The following ZSCAN20 variants were observed in gnomAD, a reference collection of about 807,000 sequenced individuals.
ZSCAN20 encodes zinc finger and SCAN domain-containing protein 20.
A neutral mutation model predicts 97.1 loss-of-function variants in ZSCAN20; 39 were observed. The ratio of observed to expected loss-of-function variants is 0.40; its 90% CI spans 0.31 to 0.52. ZSCAN20 has a LOEUF of 0.52. ZSCAN20 is among the 20% of genes least tolerant of loss of function. The probability of loss-of-function intolerance (pLI) is 0.49; values close to 1 mark genes in which losing one functional copy is unlikely to be tolerated. For missense variants in ZSCAN20, 1,115 were observed against 1,290.4 expected (o/e 0.86, Z 2.08); for synonymous variants, 456 against 467.3 (o/e 0.98, Z 0.31).
chr1:33,480,209 A>G (rs994046646), intron 2 of ZSCAN20, among the ~76,000 whole-genome samples: 2 of 152,246 alleles, frequency 1.3e-5, no homozygotes, highest in Non-Finnish European at 1.5e-5. Context: ...TATAGATTAA[A>G]CTAAGAGCCA....
Position 33,495,505 on chromosome 1 carries a change from A to G in ZSCAN20, c.*29A>G. ...ACAGTTTCCTCAACAACAAAGGAGG[A>G]CTCAATGTATATATCTTATATCATA... On this transcript the variant is annotated 3_prime_UTR_variant, in exon 8 of 8. Coordinates refer to ENST00000684572, the MANE Select transcript of ZSCAN20 (RefSeq NM_001377376.1). 4.0e-6 allele frequency: 6 copies of G among 1,492,108 alleles called. No homozygotes were observed. The highest frequency in any genetic ancestry group is 5.4e-6 in the Non-Finnish European group (6 of 1,119,364). 92.4% of individuals were successfully genotyped at this position (1,492,108 alleles called of 1,614,324 possible).
At chr1:33,477,707 C>G (rs1469514441) in intron 1 of ZSCAN20, among the ~76,000 whole-genome samples, 2 of 149,344 alleles carry the variant, frequency 1.3e-5, no homozygotes, top group Non-Finnish European at 3.0e-5. Context: ...TAATGACACA[C>G]CATCATCATT....
chr1:33,489,229 G>A, intron 4 of ZSCAN20, 38 bp downstream of exon 4: 1 of 1,590,232 alleles, frequency 6.3e-7, no homozygotes, highest in Non-Finnish European at 8.6e-7. Context: ...TGTCATTGCT[G>A]CTCCTGTGCT....
chr1:33,490,387 G>A (rs1207934225), intron 5 of ZSCAN20, among the ~76,000 whole-genome samples: 1 of 152,132 alleles, frequency 6.6e-6, no homozygotes, highest in Non-Finnish European at 1.5e-5. Flanking sequence ...GCCGGGAGCT[G>A]TTGGGATAGC....
At position 33,494,441 on chromosome 1, in the gene ZSCAN20, C is replaced by A; in HGVS notation, c.2097C>A (p.Asp699Glu). 1.9e-6 allele frequency: 3 copies of A among 1,613,418 alleles called. No individual in the cohort carries two copies. The highest frequency in any genetic ancestry group is 2.5e-6 in the Non-Finnish European group (3 of 1,179,584). The part of the protein sequence containing the change: ...SSEEDLEKLI[D>E]HQGLYLAEKP... Reference sequence around the variant, plus strand: ...AAGAGGACTTAGAAAAACTTATTGACCATCAAGGCCTGTACCTTGCAGAGA... The same window carrying A: ...AAGAGGACTTAGAAAAACTTATTGAACATCAAGGCCTGTACCTTGCAGAGA... Residue 699 changes from aspartate to glutamate, a missense_variant, in exon 8 of 8, where the codon GAC becomes GAA. Coordinates refer to ENST00000684572, the MANE Select transcript of ZSCAN20 (RefSeq NM_001377376.1).
chr1:33,485,966 G>A (rs1652349203), intron 2 of ZSCAN20, among the ~76,000 whole-genome samples: 4 of 151,844 alleles, frequency 2.6e-5, no homozygotes, highest in African/African-American at 7.3e-5. Flanking sequence ...CCCATCTTAG[G>A]TGGGACAGGA....
rs765279698 is a variant in ZSCAN20 at position 33,497,111 on chromosome 1, G to T, written c.*1635G>T. Among the ~76,000 whole-genome samples the T allele has an allele frequency of 1.3e-5, 2 of 152,208 alleles. No individual in the cohort carries two copies. Among genetic ancestry groups the T allele is most frequent in the Non-Finnish European group, 2.9e-5 (2 of 68,048 alleles). On this transcript the variant is annotated 3_prime_UTR_variant, in exon 8 of 8. Coordinates refer to ENST00000684572, the MANE Select transcript of ZSCAN20 (RefSeq NM_001377376.1). ...CCTATCAGATAGTGGATGTGAAGCAGCCTTGAAGAATGGAACTTTTATTAA... is the reference window on the plus strand; with the variant it reads ...CCTATCAGATAGTGGATGTGAAGCATCCTTGAAGAATGGAACTTTTATTAA...
Position 33,490,671 on chromosome 1 carries a change from ACACACACACACAC to A in ZSCAN20, c.767-346_767-334del, listed in dbSNP as rs1049168370. ...CACAAACACACACACACACACACAC[ACACACACACACAC>A]CACACACCCTTTTCCTCCAGCCATG... On this transcript the variant is annotated intron_variant, in intron 5 of 7. Transcript: ENST00000684572. 7.7e-4 allele frequency among the ~76,000 whole-genome samples: 44 copies of A among 57,270 alleles called. No individual in the cohort carries two copies. In the South Asian group the frequency reaches 0.01, roughly 13 times the overall value. 37.6% of individuals were successfully genotyped at this position (57,270 alleles called of 152,430 possible).
At position 33,489,560 on chromosome 1, in the gene ZSCAN20, A is replaced by G. The variant is rs750977954; in HGVS notation, c.724A>G (p.Lys242Glu). 3 of 1,614,152 alleles carry G rather than the reference A, an allele frequency of 1.9e-6. No individual in the cohort carries two copies. The highest frequency in any genetic ancestry group is 2.5e-6 in the Non-Finnish European group (3 of 1,180,016). ...PGKHAEKELC[K>E]DPPGDDCGNS... ...CAAACATGCTGAGAAGGAGCTCTGT[A>G]AAGACCCCCCAGGAGACGACTGTGG... Residue 242 changes from lysine (K) to glutamate (E), a missense_variant, in exon 5 of 8, where the codon AAA becomes GAA. Physicochemically the swap from Lys to Glu is moderately conservative, Grantham distance 56. Transcript: ENST00000684572.
Position 33,501,579 on chromosome 1 carries a change from G to A in ZSCAN20, c.*6103G>A, listed in dbSNP as rs1172254348. Among the ~76,000 whole-genome samples the A allele has an allele frequency of 1.4e-5, 2 of 144,816 alleles. No homozygotes were observed. Among genetic ancestry groups the A allele is most frequent in the African/African-American group, 2.6e-5 (1 of 38,054 alleles). ...CTGTTATGTACATCTCTTAAAGCTG[G>A]TCAAATCATATTTTGGGATGGAATG... On this transcript the variant is annotated 3_prime_UTR_variant, in exon 8 of 8. Coordinates refer to ENST00000684572, the MANE Select transcript of ZSCAN20 (RefSeq NM_001377376.1).
chr1:33,482,659 A>G (rs1262369499), intron 2 of ZSCAN20, among the ~76,000 whole-genome samples: 1 of 152,262 alleles, frequency 6.6e-6, no homozygotes, highest in Non-Finnish European at 1.5e-5. Flanking sequence ...ACTGTCATCC[A>G]AAGTGGCTGT....
Position 33,493,177 on chromosome 1 carries a change from C to G in ZSCAN20, c.1445-10C>G. The G allele has an allele frequency of 6.2e-7, 1 of 1,611,348 alleles. No homozygotes were observed. The highest frequency in any genetic ancestry group is 8.5e-7 in the Non-Finnish European group (1 of 1,177,752). ...AAGTCTCACAGTTCTCAACTCTTCA[C>G]TCCTGACAGCAGGTGTGCACTGGGG... On this transcript the variant is annotated splice_polypyrimidine_tract_variant and intron_variant, in intron 6 of 7. Coordinates refer to ENST00000684572, the MANE Select transcript of ZSCAN20 (RefSeq NM_001377376.1). The surrounding 1 kb of genome is among the most constrained non-coding windows in gnomAD (Gnocchi z 4.3).
intron 2 of ZSCAN20, among the ~76,000 whole-genome samples, chr1:33,483,087 T>G (rs190563316): frequency 7.6e-4 from 116 of 152,332 alleles, no homozygotes; most frequent in Non-Finnish European, 1.4e-3. Context: ...GCTTATCAAT[T>G]ATTTCTTTCA....
At chr1:33,476,905 C>A (rs1331996644) in intron 1 of ZSCAN20, among the ~76,000 whole-genome samples, 11 of 152,156 alleles carry the variant, frequency 7.2e-5, no homozygotes, top group Admixed American at 6.5e-4. Context: ...CCAGGTTTAT[C>A]ATTTTAATAC....
chr1:33,479,294 T>C lies in ZSCAN20; in HGVS notation c.6T>C (p.Ala2=), dbSNP rs749098465. M[A]MALELQAQAS... ...TGAGGTGTCTGGGTTAGACAATGGCTATGGCCCTGGAATTGCAAGCCCAGG... is the reference window on the plus strand; with the variant it reads ...TGAGGTGTCTGGGTTAGACAATGGCCATGGCCCTGGAATTGCAAGCCCAGG... The change falls in exon 2 of 8, where the codon GCT becomes GCC. Residue 2 remains alanine, a synonymous_variant. Transcript: ENST00000684572. 2 of 1,604,398 alleles carry C rather than the reference T, an allele frequency of 1.2e-6. No homozygotes were observed. The highest frequency in any genetic ancestry group is 1.7e-5 in the Admixed American group (1 of 59,556).
At position 33,489,567 on chromosome 1, in the gene ZSCAN20, C is replaced by T. The variant is rs267598560; in HGVS notation, c.731C>T (p.Pro244Leu). Residue 244 changes from proline to leucine, a missense_variant, in exon 5 of 8, where the codon CCC becomes CTC. By Grantham distance (98) the Pro-to-Leu change is moderately conservative. Around this residue, in one of 3 missense-constraint regions of ZSCAN20, gnomAD observed 508 missense variants for 611.2 expected, o/e 0.83. Coordinates refer to ENST00000684572, the MANE Select transcript of ZSCAN20 (RefSeq NM_001377376.1). The part of the protein sequence containing the change: ...KHAEKELCKD[P>L]PGDDCGNSVC... The stretch of plus-strand genomic sequence containing the variant: ...GCTGAGAAGGAGCTCTGTAAAGACC[C>T]CCCAGGAGACGACTGTGGGAACAGC... The T allele has an allele frequency of 6.2e-7, 1 of 1,614,110 alleles. No individual in the cohort carries two copies. The highest frequency in any genetic ancestry group is 1.7e-4 in the Middle Eastern group (1 of 6,060).
chr1:33,483,676 GA>G (rs57834372), intron 2 of ZSCAN20, among the ~76,000 whole-genome samples: 60 of 141,080 alleles, frequency 4.3e-4, no homozygotes, highest in African/African-American at 9.9e-4. Context: ...CATTGCTATT[GA>G]AAAAAAAAAA....
chr1:33,495,373 C>G lies in ZSCAN20; in HGVS notation c.3029C>G (p.Thr1010Arg). 1 of 1,613,052 alleles carries G rather than the reference C, an allele frequency of 6.2e-7. No individual in the cohort carries two copies. Among genetic ancestry groups the G allele is most frequent in the Non-Finnish European group, 8.5e-7 (1 of 1,179,360 alleles). The change falls in exon 8 of 8, where the codon ACA becomes AGA. Residue 1010 changes from threonine to arginine, a missense_variant. This residue lies in a region of ZSCAN20 where 554 missense variants were observed against 584.9 expected (regional missense o/e 0.95). Transcript: ENST00000684572. ...SSLIIHQRIH[T>R]GEKPYKCTEC... ...CTTATTATTCACCAGAGAATCCACA[C>G]AGGGGAGAAACCCTACAAGTGCACA...
intron 2 of ZSCAN20, among the ~76,000 whole-genome samples, chr1:33,484,365 C>T (rs1263631177): frequency 6.6e-6 from 1 of 152,160 alleles, no homozygotes; most frequent in African/African-American, 2.4e-5. Flanking sequence ...AAGTTCCCCT[C>T]TATTCCTAGT....
Sources: gnomAD v4.1 joint callset for allele counts (sites outside exome capture counted in the v4.1 genomes callset) on GRCh38, gnomAD v4.1.1 for gene constraint, gnomAD v4.1.1 regional missense constraint, Gnocchi (gnomAD v3.1) non-coding constraint, MANE v1.5 for transcripts, NCBI Gene and HGNC (gene_info 2026-07-23, HGNC 2026-07-21) for gene names.